MTMR3: variants seen among roughly 807,000 people sequenced by gnomAD.
The protein encoded by MTMR3 is myotubularin related protein 3, also known as phosphatidylinositol-3,5-bisphosphate 3-phosphatase MTMR3.
In MTMR3, 32 loss-of-function variants were observed where a neutral mutation model predicts 132.4. That is an observed-to-expected ratio of 0.24 (90% CI 0.18 to 0.32). The LOEUF is 0.32. Ranked by LOEUF, MTMR3 falls within the 10% of genes least tolerant of loss-of-function variation. MTMR3 has a pLI of 1.00. For synonymous variants in MTMR3, 556 were observed against 550.3 expected, an observed-to-expected ratio of 1.01 and a Z score of -0.14; for missense variants, 1,216 against 1,489.6, an observed-to-expected ratio of 0.82 and a Z score of 3.02.
intron 1 of MTMR3, among the ~76,000 whole-genome samples, chr22:29,909,220 T>C (rs1200683770): frequency 6.6e-6 from 1 of 152,154 alleles, no homozygotes. Flanking sequence ...ACAAGAAATA[T>C]GTTACTTTTT....
At chr22:29,901,358 G>A (rs1217893051) in intron 1 of MTMR3, among the ~76,000 whole-genome samples, 1 of 151,512 alleles carries the variant, frequency 6.6e-6, no homozygotes, top group Non-Finnish European at 1.5e-5. Context: ...TTCAAACTTG[G>A]AGGCAGATGA....
At chr22:29,914,045 C>T (rs987882711) in intron 1 of MTMR3, among the ~76,000 whole-genome samples, 1 of 152,154 alleles carries the variant, frequency 6.6e-6, no homozygotes. Context: ...CCACCACGCC[C>T]GGCCCAGTTT....
At chr22:30,016,766 CT>C (rs2067602195) in intron 15 of MTMR3, 68 bp downstream of exon 15, 1 of 1,502,518 alleles carries the variant, frequency 6.7e-7, no homozygotes, top group Non-Finnish European at 9.0e-7. Flanking sequence ...ATATGAGAGC[CT>C]TTTTGAGTAG....
intron 5 of MTMR3, chr22:29,981,342 T>G (rs1463432015): frequency 2.0e-5 from 3 of 152,238 alleles, no homozygotes; most frequent in Non-Finnish European, 4.4e-5. Flanking sequence ...GTGAATAGGC[T>G]GTGGCTTAAT....
intron 1 of MTMR3, among the ~76,000 whole-genome samples, chr22:29,951,952 C>T (rs896454017): frequency 4.9e-5 from 7 of 143,660 alleles, no homozygotes; most frequent in South Asian, 2.2e-4. Context: ...TGTAGTGGCT[C>T]GATCATGGCT....
At chr22:29,978,849 A>T (rs1428777464) in intron 4 of MTMR3, 87 bp from the exon 5 acceptor site, 1 of 974,710 alleles carries the variant, frequency 1.0e-6, no homozygotes, top group East Asian at 2.4e-5. Flanking sequence ...GTGGCAGAGG[A>T]TTTACCATCC....
intron 7 of MTMR3, chr22:29,996,109 G>A (rs1284644294): frequency 6.6e-6 from 1 of 152,180 alleles, no homozygotes; most frequent in African/African-American, 2.4e-5. Context: ...ATCCAGCTTA[G>A]GCAACAGAGG....
Position 30,022,902 on chromosome 22 carries a change from C to G in MTMR3, c.3425+205C>G, listed in dbSNP as rs895419035. The G allele has an allele frequency of 5.3e-6, 3 of 568,138 alleles. No individual in the cohort carries two copies. In the African/African-American group the frequency reaches 5.6e-5, roughly 11 times the overall value. 35.2% of individuals were successfully genotyped at this position (568,138 alleles called of 1,614,324 possible). ...AATTCAGAGTAATCACTGTTAAATT[C>G]TGAAATGTGCAAATGGTAGCATTTT... On this transcript the variant is annotated intron_variant, in intron 19 of 19. Transcript: ENST00000401950.
chr22:30,025,382 A>G lies in MTMR3; in HGVS notation c.3426-248A>G, dbSNP rs2067889916. On this transcript the variant is annotated intron_variant, in intron 19 of 19. Transcript: ENST00000401950. ...GCATTCTTTTGTATACCTGAGCAGC[A>G]TTCTTTTGAGTCAGTGGTGAGGCAG... 4.8e-5 allele frequency: 26 copies of G among 541,524 alleles called. 4 individuals carry two copies. The South Asian group carries it at 5.4e-4, about 11-fold the overall frequency. The allele number at this position is 541,524 out of a possible 1,614,324, so 33.5% of individuals were successfully genotyped here. A position where few individuals can be genotyped will look rare whatever the true frequency, so the allele number is the denominator to read the frequency against.
chr22:29,998,793 G>C lies in MTMR3; in HGVS notation c.493G>C (p.Val165Leu). 6.2e-7 allele frequency: 1 copy of C among 1,613,186 alleles called. No individual in the cohort carries two copies. Among genetic ancestry groups the C allele is most frequent in the South Asian group, 1.1e-5 (1 of 90,962 alleles). ...EHVTSRFKNE[V>L]ERMGFDMNNA... ...TGTAACTTCAAGGTTTAAAAACGAG[G>C]TGGAGAGGATGGGTTTTGATATGAA... Residue 165 changes from valine (V) to leucine (L), a missense_variant, in exon 8 of 20, where the codon GTG (valine) becomes CTG (leucine). Transcript: ENST00000401950.
At chr22:29,942,452 A>G (rs2065874818) in intron 1 of MTMR3, among the ~76,000 whole-genome samples, 1 of 152,328 alleles carries the variant, frequency 6.6e-6, no homozygotes, top group South Asian at 2.1e-4. Context: ...ACGCATTGTC[A>G]TTGATAACAT....
rs572572613 is a variant in MTMR3, at chr22:29,937,368, C to T, written c.-137-19668C>T. Among the ~76,000 whole-genome samples, 47 of 151,518 alleles carry T rather than the reference C, an allele frequency of 3.1e-4. 2 individuals carry two copies. The highest frequency in any genetic ancestry group is 3.0e-3 in the Admixed American group (46 of 15,216). ...TTTTGAGGCTTGGGAGCTATTTGTT[C>T]TATTCCTTTTTTTGTGCTTGTTCAC... is the stretch of plus-strand genomic sequence containing the variant. On this transcript the variant is annotated intron_variant, in intron 1 of 19. Coordinates refer to ENST00000401950, the MANE Select transcript of MTMR3 (RefSeq NM_021090.4).
At chr22:29,935,878 G>C (rs576989473) in intron 1 of MTMR3, among the ~76,000 whole-genome samples, 5 of 151,234 alleles carry the variant, frequency 3.3e-5, no homozygotes, top group Admixed American at 1.3e-4. Flanking sequence ...TCAGCCTCCC[G>C]AGTAGCTGGG....
At chr22:30,007,568 ATG>A in intron 10 of MTMR3, 1 of 574,924 alleles carries the variant, frequency 1.7e-6, no homozygotes, top group East Asian at 3.0e-5. Context: ...TGGAGTGTTT[ATG>A]TAATAGAGGA....
At chr22:29,944,191 T>C (rs2065911593) in intron 1 of MTMR3, among the ~76,000 whole-genome samples, 1 of 151,804 alleles carries the variant, frequency 6.6e-6, no homozygotes, top group East Asian at 1.9e-4. Context: ...TGTTTCGTGG[T>C]TCCTTTTGAG....
chr22:30,017,759 T>C (rs1455249951), intron 15 of MTMR3, 168 bp from the exon 16 acceptor site: 3 of 720,554 alleles, frequency 4.2e-6, no homozygotes, highest in Non-Finnish European at 6.9e-6. Context: ...TCTAGTCCTG[T>C]ATTGGTCCTC....
At chr22:29,963,124 T>C (rs1038492054) in intron 2 of MTMR3, among the ~76,000 whole-genome samples, 2 of 151,912 alleles carry the variant, frequency 1.3e-5, no homozygotes, top group African/African-American at 4.8e-5. Context: ...TTTATTATTA[T>C]TTTATAGAGA....
At chr22:29,986,326 A>C (rs1398454862) in intron 5 of MTMR3, 2 of 152,770 alleles carry the variant, frequency 1.3e-5, no homozygotes, top group Non-Finnish European at 2.9e-5. Flanking sequence ...TTTTGGGGGG[A>C]TATAGTGAGT....
At position 29,915,407 on chromosome 22, in the gene MTMR3, G is replaced by A. The variant is rs181914508; in HGVS notation, c.-138+32048G>A. Reference sequence around the variant, plus strand: ...GTCTCGCTTTTTTATTTAGGCTGACGGTCTCCTTCATTCATTCATTTGTTC... The same window carrying A: ...GTCTCGCTTTTTTATTTAGGCTGACAGTCTCCTTCATTCATTCATTTGTTC... On this transcript the variant is annotated intron_variant, in intron 1 of 19. Coordinates refer to ENST00000401950, the MANE Select transcript of MTMR3 (RefSeq NM_021090.4). Among the ~76,000 whole-genome samples, 679 of 151,914 alleles carry A rather than the reference G, an allele frequency of 4.5e-3. 6 individuals are homozygous for A. Among genetic ancestry groups the A allele is most frequent in the African/African-American group, 0.015 (641 of 41,418 alleles).
Sources: allele counts gnomAD v4.1 joint callset (sites outside exome capture counted in the v4.1 genomes callset), GRCh38; gene constraint gnomAD v4.1.1; transcripts MANE v1.5; gene names NCBI Gene and HGNC (gene_info 2026-07-23, HGNC 2026-07-21).